The following GATAD2A variants were observed in gnomAD, a reference collection of about 807,000 sequenced individuals.
GATAD2A encodes GATA zinc finger domain containing 2A.
GATAD2A carries 12 observed loss-of-function variants against 68.5 expected under a neutral mutation model. The ratio of observed to expected loss-of-function variants is 0.18; its 90% CI spans 0.11 to 0.28. The LOEUF is 0.28. Ranked by LOEUF, GATAD2A falls within the 10% of genes least tolerant of loss-of-function variation. GATAD2A has a pLI of 1.00. For missense variants in GATAD2A, 755 were observed against 868.5 expected (o/e 0.87, Z 1.64); for synonymous variants, 410 against 375.3 (o/e 1.09, Z -1.07).
intron 1 of GATAD2A, among the ~76,000 whole-genome samples, chr19:19,457,924 C>G (rs1251842686): frequency 6.6e-6 from 1 of 152,088 alleles, no homozygotes; most frequent in African/African-American, 2.4e-5. Context: ...CATGCAGGCT[C>G]TCAGTGAGAG....
chr19:19,491,389 G>A (rs2059780676), intron 2 of GATAD2A, among the ~76,000 whole-genome samples: 1 of 152,204 alleles, frequency 6.6e-6, no homozygotes. Flanking sequence ...CAAGTTCACA[G>A]GTGGAAGTGA....
intron 2 of GATAD2A, 137 bp from the exon 3 acceptor site, chr19:19,492,164 GGGGCA>G: frequency 3.5e-6 from 3 of 858,080 alleles, no homozygotes; most frequent in Non-Finnish European, 5.4e-6. Context: ...TGGGAGCCAT[GGGGCA>G]GGGCAGGGGA....
intron 2 of GATAD2A, among the ~76,000 whole-genome samples, chr19:19,478,793 T>A (rs189338264): frequency 8.0e-4 from 119 of 148,610 alleles, no homozygotes; most frequent in African/African-American, 2.8e-3. Flanking sequence ...CTGGACAACC[T>A]GAGTTGAGAC....
rs143474773 is a variant in GATAD2A at position 19,425,204 on chromosome 19, G to T, written c.-7+19185G>T. Among the ~76,000 whole-genome samples, 68 of 152,284 alleles carry T rather than the reference G, an allele frequency of 4.5e-4. 1 individual carries two copies. The highest frequency in any genetic ancestry group is 1.6e-3 in the African/African-American group (65 of 41,554). ...ACAATTAGTTGAAATATTGCAGTGT[G>T]GGGAGGCTATTTGGGTGGCAATTTG... On this transcript the variant is annotated intron_variant, in intron 1 of 11. Transcript: ENST00000683918.
At chr19:19,415,609 C>T (rs931982082) in intron 1 of GATAD2A, among the ~76,000 whole-genome samples, 17 of 147,526 alleles carry the variant, frequency 1.2e-4, no homozygotes, top group Middle Eastern at 3.5e-3. Flanking sequence ...GCCACCATGC[C>T]GGGCTAATAT....
intron 1 of GATAD2A, among the ~76,000 whole-genome samples, chr19:19,446,118 A>G (rs1357274232): frequency 6.6e-6 from 1 of 152,166 alleles, no homozygotes; most frequent in African/African-American, 2.4e-5. Flanking sequence ...ACCGTTTTCC[A>G]TGTCACTCTT....
At chr19:19,454,610 A>T (rs1212130259) in intron 1 of GATAD2A, among the ~76,000 whole-genome samples, 2 of 151,452 alleles carry the variant, frequency 1.3e-5, no homozygotes, top group Non-Finnish European at 2.9e-5. Flanking sequence ...AAAAAAAAAA[A>T]AATTTATTGG....
intron 1 of GATAD2A, among the ~76,000 whole-genome samples, chr19:19,422,204 T>C (rs2052507559): frequency 6.6e-6 from 1 of 152,176 alleles, no homozygotes; most frequent in South Asian, 2.1e-4. Flanking sequence ...TACTGAAGCC[T>C]CTTCCCAGCA....
intron 1 of GATAD2A, among the ~76,000 whole-genome samples, chr19:19,423,373 G>A (rs1264111023): frequency 6.6e-6 from 1 of 152,242 alleles, no homozygotes; most frequent in African/African-American, 2.4e-5. Flanking sequence ...CATTGTTATA[G>A]TTTCTTCATT....
In GATAD2A at chr19:19,437,831, C is replaced by T. The variant is rs187820659; in HGVS notation, c.-6-27509C>T. 7.9e-5 allele frequency among the ~76,000 whole-genome samples: 12 copies of T among 152,272 alleles called. No homozygotes were observed. The East Asian group carries it at 2.3e-3, about 29-fold the overall frequency. On this transcript the variant is annotated intron_variant, in intron 1 of 11. Transcript: ENST00000683918. ...GTTTATCCATTCATTCATTGATGGA[C>T]ATTTGAGTTGTTTCTACTTTTTTAG...
intron 11 of GATAD2A, among the ~76,000 whole-genome samples, chr19:19,503,637 C>A (rs912542154): frequency 7.2e-6 from 1 of 139,216 alleles, no homozygotes; most frequent in Non-Finnish European, 1.5e-5. Context: ...TGGAAGTCAT[C>A]TGGAAGCTGT....
intron 7 of GATAD2A, among the ~76,000 whole-genome samples, chr19:19,496,982 G>C (rs2060197339): frequency 6.6e-6 from 1 of 152,262 alleles, no homozygotes. Flanking sequence ...GTGCAGAGAA[G>C]ATGGCTAGTC....
chr19:19,470,143 A>ATTTTTTTTTTTTTTTTTTTTTTTTTTT (rs750710437), intron 2 of GATAD2A, among the ~76,000 whole-genome samples: 1 of 132,850 alleles, frequency 7.5e-6, no homozygotes. Flanking sequence ...CTGCGACTTT[A>ATTTTTTTTTTTTTTTTTTTTTTTTTTT]TTTTTTTTTT....
At chr19:19,393,044 G>A (rs547252333) in intron 1 of GATAD2A, among the ~76,000 whole-genome samples, 4 of 152,194 alleles carry the variant, frequency 2.6e-5, no homozygotes, top group Non-Finnish European at 4.4e-5. Context: ...GGTGGCTTAC[G>A]CCTGTAACCC....
In GATAD2A at chr19:19,501,194, C is replaced by G. The variant is rs1416508937; in HGVS notation, c.1281C>G (p.Cys427Trp). 4 of 1,613,520 alleles carry G rather than the reference C, an allele frequency of 2.5e-6. No individual in the cohort carries two copies. The highest frequency in any genetic ancestry group is 3.4e-6 in the Non-Finnish European group (4 of 1,179,970). Residue 427 changes from cysteine (C) to tryptophan (W), a missense_variant, in exon 9 of 12, where the codon TGC (cysteine) becomes TGG (tryptophan). Transcript: ENST00000683918. ...MCAQCKTDFT[C>W]RWREEKSGAI... is the part of the protein sequence containing the mutation. Reference sequence around the variant, plus strand: ...CACAGTGCAAGACGGACTTCACGTGCCGCTGGCGGGAGGAGAAGAGCGGCG... The same window carrying G: ...CACAGTGCAAGACGGACTTCACGTGGCGCTGGCGGGAGGAGAAGAGCGGCG...
upstream of GATAD2A, chr19:19,402,710 GA>G (rs939185465): frequency 6.9e-6 from 1 of 144,128 alleles, no homozygotes; most frequent in African/African-American, 2.5e-5. Flanking sequence ...AAGAAAAAAA[GA>G]AAGTACAGTA....
chr19:19,418,484 AGACTT>A (rs1256708458), intron 1 of GATAD2A, among the ~76,000 whole-genome samples: 2 of 152,364 alleles, frequency 1.3e-5, no homozygotes, highest in African/African-American at 4.8e-5. Context: ...CGAGGAACAC[AGACTT>A]GACTTAGCCT....
intron 1 of GATAD2A, among the ~76,000 whole-genome samples, chr19:19,400,012 T>C (rs1293258247): frequency 6.7e-6 from 1 of 149,570 alleles, no homozygotes; most frequent in Non-Finnish European, 1.5e-5. Context: ...TTTTTCCTGG[T>C]AGTTTTCTGA....
intron 2 of GATAD2A, among the ~76,000 whole-genome samples, chr19:19,479,487 A>G (rs1272063272): frequency 6.6e-6 from 1 of 152,136 alleles, no homozygotes; most frequent in Non-Finnish European, 1.5e-5. Context: ...GCGTCTCCCT[A>G]GATTCCTTGG....
Sources: allele counts gnomAD v4.1 joint callset (sites outside exome capture counted in the v4.1 genomes callset), GRCh38; gene constraint gnomAD v4.1.1; transcripts MANE v1.5; gene names NCBI Gene and HGNC (gene_info 2026-07-23, HGNC 2026-07-21).